The following SUSD4 variants were observed in gnomAD, a reference collection of about 807,000 sequenced individuals.
SUSD4 encodes the protein sushi domain-containing protein 4.
In SUSD4, 41 loss-of-function variants were observed where a neutral mutation model predicts 50.5. The observed-to-expected ratio is 0.81, with a 90% CI of 0.63 to 1.05. The LOEUF (loss-of-function observed/expected upper bound fraction) is 1.05, where lower values mean the gene tolerates loss of function less well. Among genes scored for constraint, SUSD4 ranks in the 50% least tolerant of loss-of-function variants. The pLI is 0.00. For synonymous variants in SUSD4, 257 were observed against 257.3 expected (o/e 1.00, Z 0.01); for missense variants, 580 against 634.7 (o/e 0.91, Z 0.93).
chr1:223,270,304 A>G (rs1518039), intron 3 of SUSD4, among the ~76,000 whole-genome samples: 127,048 of 152,100 alleles, frequency 0.84, 53,569 homozygotes, highest in African/African-American at 0.96. Flanking sequence ...TGACCCTCCC[A>G]CCATGCTTCT....
intron 2 of SUSD4, among the ~76,000 whole-genome samples, chr1:223,318,651 GTCT>G: frequency 7.0e-6 from 1 of 141,990 alleles, no homozygotes; most frequent in Non-Finnish European, 1.6e-5. Flanking sequence ...CTGCATAAAT[GTCT>G]TCTTTTGAGA....
intron 5 of SUSD4, among the ~76,000 whole-genome samples, chr1:223,248,915 A>T (rs1189834329): frequency 6.6e-6 from 1 of 152,202 alleles, no homozygotes; most frequent in Non-Finnish European, 1.5e-5. Flanking sequence ...CAAGGAAGCC[A>T]CAGAGGAGCA....
intron 3 of SUSD4, among the ~76,000 whole-genome samples, chr1:223,286,310 T>C (rs1346228440): frequency 6.6e-6 from 1 of 152,108 alleles, no homozygotes; most frequent in Non-Finnish European, 1.5e-5. Context: ...AGAGATGGGG[T>C]TTCACCGTGT....
intron 2 of SUSD4, among the ~76,000 whole-genome samples, chr1:223,294,197 G>A (rs1326481886): frequency 6.6e-6 from 1 of 152,174 alleles, no homozygotes; most frequent in African/African-American, 2.4e-5. Flanking sequence ...GATGGGGACT[G>A]GTGTACTGGT....
chr1:223,258,416 G>C (rs1406890025), intron 5 of SUSD4, among the ~76,000 whole-genome samples: 2 of 152,062 alleles, frequency 1.3e-5, no homozygotes, highest in Non-Finnish European at 2.9e-5. Context: ...CTGGGCACTT[G>C]TAGGTTCTTA....
At chr1:223,364,834 C>G (rs930845034), upstream of SUSD4, among the ~76,000 whole-genome samples, 1 of 152,110 alleles carries the variant, frequency 6.6e-6, no homozygotes, top group African/African-American at 2.4e-5. This position sits in a 1 kb window ranked among gnomAD's most constrained non-coding sequence, Gnocchi z 4.5. Context: ...TAATTTCCCG[C>G]GTTAACCCCT....
chr1:223,297,905 G>T (rs1264688920), intron 2 of SUSD4, among the ~76,000 whole-genome samples: 7 of 151,822 alleles, frequency 4.6e-5, no homozygotes, highest in African/African-American at 1.5e-4. Context: ...TGGATGGACA[G>T]GTGGATGGAT....
chr1:223,280,065 C>A (rs1201670993), intron 3 of SUSD4, among the ~76,000 whole-genome samples: 3 of 152,108 alleles, frequency 2.0e-5, no homozygotes, highest in Non-Finnish European at 2.9e-5. Flanking sequence ...CAGGCCTGCC[C>A]TACAAGAGCT....
intron 2 of SUSD4, among the ~76,000 whole-genome samples, chr1:223,330,251 T>C (rs1465863829): frequency 3.3e-5 from 5 of 152,184 alleles, no homozygotes; most frequent in Non-Finnish European, 7.3e-5. Flanking sequence ...TGGCATACTG[T>C]AGCAAGGGAA....
chr1:223,345,412 T>G (rs1434867607), intron 2 of SUSD4, among the ~76,000 whole-genome samples: 1 of 152,130 alleles, frequency 6.6e-6, no homozygotes, highest in Non-Finnish European at 1.5e-5. Flanking sequence ...TATTAAGAGA[T>G]GGAGCCAGGG....
At chr1:223,286,230 C>T (rs1664129600) in intron 3 of SUSD4, among the ~76,000 whole-genome samples, 1 of 152,192 alleles carries the variant, frequency 6.6e-6, no homozygotes, top group Admixed American at 6.5e-5. Flanking sequence ...ATTCTCCTGC[C>T]TCAGCCTCCC....
At chr1:223,302,233 G>T (rs1665242446) in intron 2 of SUSD4, among the ~76,000 whole-genome samples, 1 of 152,128 alleles carries the variant, frequency 6.6e-6, no homozygotes, top group Non-Finnish European at 1.5e-5. Flanking sequence ...AGCCTGTACA[G>T]CCTGCAGAAC....
At chr1:223,345,907 C>A (rs1356263120) in intron 2 of SUSD4, among the ~76,000 whole-genome samples, 1 of 152,172 alleles carries the variant, frequency 6.6e-6, no homozygotes, top group Non-Finnish European at 1.5e-5. Flanking sequence ...GCCAGTACCT[C>A]CTCCGGGCCT....
intron 6 of SUSD4, among the ~76,000 whole-genome samples, chr1:223,228,390 C>T (rs1306768969): frequency 1.3e-5 from 2 of 152,298 alleles, no homozygotes; most frequent in Non-Finnish European, 2.9e-5. Context: ...ATCATGTGTG[C>T]GCCTCCAGAG....
chr1:223,261,713 T>C (rs1415074298), intron 5 of SUSD4, among the ~76,000 whole-genome samples: 1 of 152,176 alleles, frequency 6.6e-6, no homozygotes, highest in Non-Finnish European at 1.5e-5. Flanking sequence ...TGTGTCACAG[T>C]GTACATGTCT....
intron 3 of SUSD4, among the ~76,000 whole-genome samples, chr1:223,292,171 T>C (rs909306276): frequency 1.3e-5 from 2 of 152,236 alleles, no homozygotes; most frequent in African/African-American, 4.8e-5. Context: ...CGTAATGTTA[T>C]CTGAGTTGCT....
chr1:223,327,826 C>T (rs1022870142), intron 2 of SUSD4, among the ~76,000 whole-genome samples: 1 of 152,196 alleles, frequency 6.6e-6, no homozygotes, highest in Non-Finnish European at 1.5e-5. Flanking sequence ...CTCAGAAATT[C>T]GTTAAGAGGT....
At chr1:223,320,249 A>G (rs953662932) in intron 2 of SUSD4, among the ~76,000 whole-genome samples, 1 of 152,222 alleles carries the variant, frequency 6.6e-6, no homozygotes, top group Non-Finnish European at 1.5e-5. Context: ...ATCTCAATAA[A>G]TATCGCACAT....
At chr1:223,260,058 T>G (rs538359483) in intron 5 of SUSD4, among the ~76,000 whole-genome samples, 81 of 152,278 alleles carry the variant, frequency 5.3e-4, no homozygotes, top group African/African-American at 1.4e-3. Flanking sequence ...ATGCCATAAA[T>G]GCCTGGGTAG....
Sources: gnomAD v4.1 joint callset for allele counts (sites outside exome capture counted in the v4.1 genomes callset) on GRCh38, gnomAD v4.1.1 for gene constraint, Gnocchi (gnomAD v3.1) non-coding constraint, MANE v1.5 for transcripts, NCBI Gene and HGNC (gene_info 2026-07-23, HGNC 2026-07-21) for gene names.